DNAH9: variants seen among roughly 807,000 people sequenced by gnomAD.
DNAH9 encodes the protein dynein axonemal heavy chain 9.
A neutral mutation model predicts 471.6 loss-of-function variants in DNAH9; 345 were observed. The observed-to-expected ratio is 0.73, with a 90% confidence interval of 0.67 to 0.80. The LOEUF (loss-of-function observed/expected upper bound fraction) is 0.80. Ranked by LOEUF, DNAH9 falls within the 30% of genes least tolerant of loss-of-function variation. The pLI, the probability that DNAH9 is intolerant of heterozygous loss-of-function variation, is 0.00. For synonymous variants in DNAH9, 2,093 were observed against 2,123.6 expected, an observed-to-expected ratio of 0.99 and a Z score of 0.40; for missense variants, 5,407 against 5,609.2, an observed-to-expected ratio of 0.96 and a Z score of 1.15.
At chr17:11,601,675 C>T (rs1298093708) in intron 1 of DNAH9, among the ~76,000 whole-genome samples, 1 of 152,116 alleles carries the variant, frequency 6.6e-6, no homozygotes, top group Non-Finnish European at 1.5e-5. Flanking sequence ...TCTTTCAAGG[C>T]TTGTTGGCCT....
chr17:11,655,820 G>A (rs536216238), intron 14 of DNAH9, among the ~76,000 whole-genome samples: 36 of 151,888 alleles, frequency 2.4e-4, no homozygotes, highest in African/African-American at 8.7e-4. Context: ...CTATGAGGAG[G>A]CAAAGGCATA....
chr17:11,774,590 G>A (rs1968346641), intron 38 of DNAH9, among the ~76,000 whole-genome samples: 1 of 152,120 alleles, frequency 6.6e-6, no homozygotes, highest in Non-Finnish European at 1.5e-5. Context: ...CATGAGACCA[G>A]CACAGGAAAC....
intron 44 of DNAH9, among the ~76,000 whole-genome samples, chr17:11,810,044 T>G (rs567002811): frequency 6.6e-6 from 1 of 152,238 alleles, no homozygotes; most frequent in South Asian, 2.1e-4. Context: ...TTGCCCACCT[T>G]TATTGGCACC....
intron 66 of DNAH9, among the ~76,000 whole-genome samples, chr17:11,938,382 C>T (rs1406747259): frequency 4.0e-5 from 6 of 151,160 alleles, no homozygotes; most frequent in Non-Finnish European, 7.4e-5. Flanking sequence ...TTGCTTGAAC[C>T]TGGGAGGTGG....
intron 45 of DNAH9, among the ~76,000 whole-genome samples, chr17:11,819,480 C>A (rs1970233429): frequency 6.6e-6 from 1 of 152,046 alleles, no homozygotes; most frequent in South Asian, 2.1e-4. Flanking sequence ...TGCAGTGGCG[C>A]AATCTCGGCT....
At chr17:11,934,915 A>T (rs1312675282) in intron 65 of DNAH9, among the ~76,000 whole-genome samples, 1 of 152,174 alleles carries the variant, frequency 6.6e-6, no homozygotes, top group East Asian at 1.9e-4. Context: ...CTATGAACAC[A>T]GGCACATACC....
chr17:11,689,490 T>C (rs2150752153), intron 19 of DNAH9, 76 bp from the exon 20 acceptor site: 1 of 1,237,032 alleles, frequency 8.1e-7, no homozygotes, highest in African/African-American at 1.5e-5. Context: ...ATATTTCAGC[T>C]GGTTGCTACC....
chr17:11,645,037 G>T (rs73975041), intron 11 of DNAH9, among the ~76,000 whole-genome samples: 2,028 of 152,310 alleles, frequency 0.013, 43 homozygotes, highest in African/African-American at 0.046. Context: ...AGTGCATGCT[G>T]CACAAAGAGG....
Position 11,937,262 on chromosome 17 carries a change from C to G in DNAH9, c.12490-90C>G. On this transcript the variant is annotated intron_variant, in intron 65 of 68. Transcript: ENST00000262442. This position sits in a 1 kb window ranked among gnomAD's most constrained non-coding sequence, Gnocchi z 4.1. Reference sequence around the variant, plus strand: ...GTGTCCCCTGGAGGAGGGATACTAGCCCATGGACTCCCTGCAGAGGACAAG... The same window carrying G: ...GTGTCCCCTGGAGGAGGGATACTAGGCCATGGACTCCCTGCAGAGGACAAG... 1 of 1,476,994 alleles carries G rather than the reference C, an allele frequency of 6.8e-7. No homozygotes were observed. Among genetic ancestry groups the G allele is most frequent in the East Asian group, 2.3e-5 (1 of 43,596 alleles). The allele number at this position is 1,476,994 out of a possible 1,614,324, so 91.5% of individuals were successfully genotyped here.
chr17:11,758,299 C>G (rs761463501), intron 35 of DNAH9, among the ~76,000 whole-genome samples: 4 of 152,218 alleles, frequency 2.6e-5, no homozygotes, highest in Non-Finnish European at 4.4e-5. Context: ...AGGATACTTA[C>G]TACAGCAAGA....
chr17:11,882,521 G>A (rs1355015740), intron 55 of DNAH9, among the ~76,000 whole-genome samples: 3 of 152,112 alleles, frequency 2.0e-5, no homozygotes, highest in Admixed American at 6.6e-5. Flanking sequence ...TCCGCTTCCT[G>A]CAATCATTCA....
In DNAH9 at chr17:11,947,874, C is replaced by T. The variant is rs188254571; in HGVS notation, c.12843+5389C>T. 3.7e-3 allele frequency among the ~76,000 whole-genome samples: 559 copies of T among 149,716 alleles called. 5 individuals are homozygous for T. The highest frequency in any genetic ancestry group is 0.013 in the African/African-American group (518 of 40,594). ...TCAGCTCACTGCAACCTCTGTCTCC[C>T]GGGTTCAAGCGATTCTCCTGCCTCA... On this transcript the variant is annotated intron_variant, in intron 67 of 68. Transcript: ENST00000262442.
At chr17:11,953,580 G>A (rs752815014) in intron 67 of DNAH9, among the ~76,000 whole-genome samples, 7 of 152,242 alleles carry the variant, frequency 4.6e-5, no homozygotes, top group Non-Finnish European at 1.0e-4. Context: ...GGGAGGCTGA[G>A]GCGGGCGGAT....
At chr17:11,788,339 A>G (rs1968945712) in intron 41 of DNAH9, among the ~76,000 whole-genome samples, 2 of 152,224 alleles carry the variant, frequency 1.3e-5, no homozygotes, top group South Asian at 4.1e-4. Context: ...TTTGCTTTTA[A>G]TAAACTTTTA....
chr17:11,656,325 A>G (rs2073646562), intron 14 of DNAH9, among the ~76,000 whole-genome samples: 1 of 151,984 alleles, frequency 6.6e-6, no homozygotes, highest in East Asian at 1.9e-4. Context: ...TGATGTTGAG[A>G]ATTTTTTCAT....
intron 56 of DNAH9, among the ~76,000 whole-genome samples, chr17:11,884,160 C>T (rs546927071): frequency 3.3e-5 from 5 of 152,246 alleles, no homozygotes; most frequent in South Asian, 4.2e-4. Flanking sequence ...CAAAACCCAC[C>T]GGACCGCAGA....
At chr17:11,693,639 T>C (rs898909770) in intron 20 of DNAH9, among the ~76,000 whole-genome samples, 2 of 152,168 alleles carry the variant, frequency 1.3e-5, no homozygotes, top group African/African-American at 4.8e-5. Context: ...AAAGATATGA[T>C]AGATAGTACC....
intron 66 of DNAH9, among the ~76,000 whole-genome samples, chr17:11,940,354 G>A (rs757384989): frequency 3.3e-5 from 5 of 152,130 alleles, no homozygotes; most frequent in African/African-American, 4.8e-5. Context: ...GTGTCCCCAC[G>A]TCCTGTGTAT....
chr17:11,745,008 A>ATCC lies in DNAH9; in HGVS notation c.6323_6324insTCC (p.Pro2109dup). ...GCCCTGGATGTCCCCCGGAGGAGAG[A>ATCC]CCCCAACTTCGAAGCTTTGGTTAGG... On this transcript the variant is annotated inframe_insertion, in exon 31 of 69. Transcript: ENST00000262442. 6.2e-7 allele frequency: 1 copy of ATCC among 1,613,964 alleles called. No homozygotes were observed. Among genetic ancestry groups the ATCC allele is most frequent in the Non-Finnish European group, 8.5e-7 (1 of 1,179,942 alleles).
Sources: allele counts gnomAD v4.1 joint callset (sites outside exome capture counted in the v4.1 genomes callset), GRCh38; gene constraint gnomAD v4.1.1; non-coding constraint Gnocchi (gnomAD v3.1); transcripts MANE v1.5; gene names NCBI Gene and HGNC (gene_info 2026-07-23, HGNC 2026-07-21).